TBC1D2: variants seen among roughly 807,000 people sequenced by gnomAD.
TBC1D2 encodes the protein TBC1 domain family member 2A.
Under a neutral mutation model 91.1 loss-of-function variants are expected in TBC1D2, and 58 were observed. That is an observed-to-expected ratio of 0.64 (90% CI 0.52 to 0.79). The LOEUF (loss-of-function observed/expected upper bound fraction) is 0.79, where lower values mean the gene tolerates loss of function less well. TBC1D2 is among the 30% of genes least tolerant of loss of function. TBC1D2 has a pLI of 0.00. For synonymous variants in TBC1D2, 482 were observed against 511.5 expected (o/e 0.94, Z 0.78); for missense variants, 1,080 against 1,208.3 (o/e 0.89, Z 1.57).
intron 2 of TBC1D2, among the ~76,000 whole-genome samples, chr9:98,250,326 AC>A (rs61528032): frequency 0.42 from 63,017 of 151,732 alleles, 15,909 homozygotes; most frequent in African/African-American, 0.72. Context: ...GATGGCAGTG[AC>A]CGGGTTCAGG....
intron 3 of TBC1D2, 105 bp downstream of exon 3, chr9:98,243,889 C>A: frequency 7.0e-7 from 1 of 1,437,054 alleles, no homozygotes; most frequent in South Asian, 1.3e-5. Context: ...AAGCCCATAA[C>A]CCTCTCCCGG....
intron 2 of TBC1D2, among the ~76,000 whole-genome samples, chr9:98,247,341 A>G (rs1232677975): frequency 7.0e-6 from 1 of 143,714 alleles, no homozygotes; most frequent in Non-Finnish European, 1.5e-5. Flanking sequence ...AAAAAAAAAA[A>G]CAAAAACAAA....
Position 98,253,656 on chromosome 9 carries a change from C to T in TBC1D2, c.369+1517G>A, listed in dbSNP as rs79864962. ...CTCTCTTGGCCTGGAATACCTTTCT[C>T]CCTCTTGTCTGCTTGCCACCTATTT... is the stretch of plus-strand genomic sequence containing the variant. On this transcript the variant is annotated intron_variant, in intron 1 of 12. Coordinates refer to ENST00000465784, the MANE Select transcript of TBC1D2 (RefSeq NM_001267571.2). 5.2e-3 allele frequency among the ~76,000 whole-genome samples: 785 copies of T among 152,302 alleles called. 5 individuals are homozygous for T. The highest frequency in any genetic ancestry group is 8.0e-3 in the Non-Finnish European group (544 of 68,028).
chr9:98,209,509 C>T (rs1828755875), intron 8 of TBC1D2, among the ~76,000 whole-genome samples: 1 of 152,176 alleles, frequency 6.6e-6, no homozygotes, highest in Admixed American at 6.5e-5. Context: ...ACTGTGCATA[C>T]AGAACCCCAC....
chr9:98,209,270 C>G, intron 8 of TBC1D2, 126 bp from the exon 9 acceptor site: 1 of 857,566 alleles, frequency 1.2e-6, no homozygotes, highest in Admixed American at 2.2e-5. Flanking sequence ...CCACACAGCT[C>G]TGGGCAGGTC....
chr9:98,219,891 C>T (rs552354859), intron 6 of TBC1D2, among the ~76,000 whole-genome samples: 3 of 152,268 alleles, frequency 2.0e-5, no homozygotes, highest in Admixed American at 1.3e-4. Flanking sequence ...GCTCCCTTTA[C>T]GGACAGTGGA....
intron 5 of TBC1D2, among the ~76,000 whole-genome samples, chr9:98,226,814 C>T (rs1829243421): frequency 6.6e-6 from 1 of 152,244 alleles, no homozygotes; most frequent in African/African-American, 2.4e-5. Context: ...CAATTTCCCT[C>T]TGAATATATG....
chr9:98,209,178 C>CAGAG, intron 8 of TBC1D2, 34 bp from the exon 9 acceptor site: 3 of 1,585,552 alleles, frequency 1.9e-6, no homozygotes, highest in Admixed American at 3.4e-5. Flanking sequence ...CAACACCTTG[C>CAGAG]AGAGCCCTTC....
chr9:98,199,598 G>T lies in TBC1D2; in HGVS notation c.2580-10C>A. 6.2e-7 allele frequency: 1 copy of T among 1,613,792 alleles called. No homozygotes were observed. Among genetic ancestry groups the T allele is most frequent in the Non-Finnish European group, 8.5e-7 (1 of 1,180,010 alleles). Reference sequence around the variant, plus strand: ...GATGTTCATCAGCTTCCTGGGAGGAGGGCACAATCAGCCCAGAGCACGTCA... The same window carrying T: ...GATGTTCATCAGCTTCCTGGGAGGATGGCACAATCAGCCCAGAGCACGTCA... On this transcript the variant is annotated splice_polypyrimidine_tract_variant and intron_variant, in intron 12 of 12. Coordinates refer to ENST00000465784, the MANE Select transcript of TBC1D2 (RefSeq NM_001267571.2).
chr9:98,214,873 T>C (rs1383586622), intron 6 of TBC1D2, among the ~76,000 whole-genome samples: 1 of 151,996 alleles, frequency 6.6e-6, no homozygotes, highest in Non-Finnish European at 1.5e-5. Context: ...CTTTATCACA[T>C]CACCCCTCAC....
intron 9 of TBC1D2, among the ~76,000 whole-genome samples, chr9:98,205,071 GGT>G (rs1400798051): frequency 2.0e-5 from 3 of 152,134 alleles, no homozygotes; most frequent in Non-Finnish European, 4.4e-5. Flanking sequence ...TTATTGCAGT[GGT>G]GGAAAAACCA....
intron 2 of TBC1D2, among the ~76,000 whole-genome samples, chr9:98,247,728 C>CAAAAAAAACAAAAAAAAAA (rs1829795460): frequency 1.4e-5 from 1 of 70,838 alleles, no homozygotes; most frequent in Admixed American, 1.6e-4. Flanking sequence ...GACTCCGTCT[C>CAAAAAAAACAAAAAAAAAA]AAAAAAAAAA....
In TBC1D2 at chr9:98,221,106, C is replaced by A. The variant is rs780311209; in HGVS notation, c.1101G>T (p.Arg367=). The A allele has an allele frequency of 1.2e-5, 20 of 1,603,548 alleles. No individual in the cohort carries two copies. The highest frequency in any genetic ancestry group is 1.7e-5 in the Non-Finnish European group (20 of 1,175,656). The change falls in exon 6 of 13, where the codon CGG becomes CGT. Residue 367 remains arginine, a synonymous_variant. Coordinates refer to ENST00000465784, the MANE Select transcript of TBC1D2 (RefSeq NM_001267571.2). ...DRLELVRHKV[R]QIAELGRRVE... ...CCCGCCGGCCCAGCTCCGCGATCTG[C>A]CGCACTTTGTGCCGCACCAGCTCCA...
chr9:98,206,453 C>T (rs1169554585), intron 9 of TBC1D2, among the ~76,000 whole-genome samples: 1 of 152,218 alleles, frequency 6.6e-6, no homozygotes, highest in Non-Finnish European at 1.5e-5. Context: ...TCCTTCCACA[C>T]AGGGAGAAGC....
chr9:98,252,815 G>A (rs752378716), intron 1 of TBC1D2, among the ~76,000 whole-genome samples: 28 of 152,156 alleles, frequency 1.8e-4, no homozygotes, highest in Admixed American at 2.0e-4. Context: ...TTCTCAGAGA[G>A]CTGCCTGCAA....
chr9:98,255,120 C>G (rs951179917), intron 1 of TBC1D2, 53 bp downstream of exon 1: 2 of 1,555,630 alleles, frequency 1.3e-6, no homozygotes, highest in Non-Finnish European at 1.7e-6. Context: ...CCTTGCCCTG[C>G]GAAAAGGGGA....
At chr9:98,235,284 C>T (rs1472486586) in intron 3 of TBC1D2, 4 of 376,482 alleles carry the variant, frequency 1.1e-5, no homozygotes, top group Non-Finnish European at 1.1e-5. Context: ...GGAGTCAACG[C>T]TATTGTTTAC....
intron 9 of TBC1D2, among the ~76,000 whole-genome samples, 173 bp downstream of exon 9, chr9:98,208,495 G>T (rs548393086): frequency 6.6e-6 from 1 of 152,172 alleles, no homozygotes; most frequent in Non-Finnish European, 1.5e-5. Context: ...TAATGCTGCC[G>T]CTGATCTGAC....
chr9:98,210,786 T>G lies in TBC1D2; in HGVS notation c.1543A>C (p.Arg515=). Residue 515 remains arginine (R), a synonymous_variant, in exon 8 of 13, where the codon AGA becomes CGA. Coordinates refer to ENST00000465784, the MANE Select transcript of TBC1D2 (RefSeq NM_001267571.2). ...TCCCCCAGGGCCTCCTGCAGCCTTCTCAGACCGGCCAGGTACTTGCTTTCC... is the reference window on the plus strand; with the variant it reads ...TCCCCCAGGGCCTCCTGCAGCCTTCGCAGACCGGCCAGGTACTTGCTTTCC... ...QVESKYLAGL[R]RLQEALGDEA... 14 of 1,556,482 alleles carry G rather than the reference T, an allele frequency of 9.0e-6. No homozygotes were observed. Among genetic ancestry groups the G allele is most frequent in the Non-Finnish European group, 1.2e-5 (14 of 1,149,726 alleles).
Sources: allele counts gnomAD v4.1 joint callset (sites outside exome capture counted in the v4.1 genomes callset), GRCh38; gene constraint gnomAD v4.1.1; transcripts MANE v1.5; gene names NCBI Gene and HGNC (gene_info 2026-07-23, HGNC 2026-07-21).